Variants in VPS53 observed in about 807,000 individuals in gnomAD.
The protein encoded by VPS53 is VPS53 subunit of GARP complex.
VPS53 carries 70 observed loss-of-function variants against 107.0 expected under a neutral mutation model. That is an observed-to-expected ratio of 0.65 (90% CI 0.54 to 0.80). The LOEUF (loss-of-function observed/expected upper bound fraction) is 0.80. Among genes scored for constraint, VPS53 ranks in the 30% least tolerant of loss-of-function variants. VPS53 has a pLI of 0.00. For missense variants in VPS53, 917 were observed against 1,049.4 expected, an observed-to-expected ratio of 0.87 and a Z score of 1.74; for synonymous variants, 409 against 393.3, an observed-to-expected ratio of 1.04 and a Z score of -0.47.
At chr17:530,903 C>T (rs922650486) in intron 19 of VPS53, among the ~76,000 whole-genome samples, 1 of 152,194 alleles carries the variant, frequency 6.6e-6, no homozygotes, top group African/African-American at 2.4e-5. Context: ...TGTCTCCCAT[C>T]CCATTTTCAG....
At chr17:658,507 A>T (rs558625942) in intron 5 of VPS53, among the ~76,000 whole-genome samples, 6 of 150,966 alleles carry the variant, frequency 4.0e-5, no homozygotes, top group Non-Finnish European at 7.4e-5. Flanking sequence ...GAAGTGAGAA[A>T]CTCGGCAGGG....
rs767915279 is a variant in VPS53, at chr17:653,331, T to C, written c.568A>G (p.Lys190Glu). ...GVMNVLEHFH[K>E]YMGIPQIRQL... ...CGGATCTGCGGAATCCCCATATACT[T>C]GTGGAAGTGCTCCAGGACATTCATC... is the stretch of plus-strand genomic sequence containing the variant. Residue 190 changes from lysine (K) to glutamate (E), a missense_variant, in exon 7 of 22, where the codon AAG becomes GAG. Coordinates refer to ENST00000437048, the MANE Select transcript of VPS53 (RefSeq NM_001128159.3). 6.2e-7 allele frequency: 1 copy of C among 1,614,132 alleles called. No homozygotes were observed. Among genetic ancestry groups the C allele is most frequent in the Non-Finnish European group, 8.5e-7 (1 of 1,180,060 alleles).
In VPS53 at chr17:521,666, T is replaced by G. The variant is rs1380488478; in HGVS notation, c.2158A>C (p.Lys720Gln). The G allele has an allele frequency of 2.6e-6, 4 of 1,550,888 alleles. No individual in the cohort carries two copies. In the African/African-American group the frequency reaches 5.5e-5, roughly 21 times the overall value. ...LPSISSQVVR[K>Q]APASYTKIVV... ...ATCTTGGTGTAGCTGGCGGGTGCCT[T>G]CCTCACCACCTGCGAGCTGATGGAG... The change falls in exon 20 of 22, where the codon AAG becomes CAG. Residue 720 changes from lysine to glutamine, a missense_variant. Physicochemically the swap from Lys to Gln is moderately conservative, Grantham distance 53. Coordinates refer to ENST00000437048, the MANE Select transcript of VPS53 (RefSeq NM_001128159.3).
intron 13 of VPS53, among the ~76,000 whole-genome samples, chr17:570,383 A>G (rs1913933092): frequency 6.6e-6 from 1 of 151,482 alleles, no homozygotes; most frequent in South Asian, 2.1e-4. Context: ...AAAAAAAAAA[A>G]AAAAAAAAAA....
intron 4 of VPS53, chr17:675,253 A>C (rs1972105572): frequency 6.6e-6 from 1 of 152,220 alleles, no homozygotes; most frequent in South Asian, 2.1e-4. Context: ...AATGAAAAAA[A>C]AGTTTAAATT....
chr17:634,092 C>G (rs1004122411), intron 7 of VPS53, among the ~76,000 whole-genome samples: 1 of 152,216 alleles, frequency 6.6e-6, no homozygotes, highest in African/African-American at 2.4e-5. Flanking sequence ...CTCAGGACTA[C>G]TGGCCATCTC....
chr17:566,065 G>C (rs934681552), intron 13 of VPS53, among the ~76,000 whole-genome samples: 25 of 150,914 alleles, frequency 1.7e-4, no homozygotes, highest in African/African-American at 5.6e-4. Context: ...TTAGCCAGGC[G>C]TAGTGGCGGG....
In VPS53 at chr17:657,081, T is replaced by C; in HGVS notation, c.373-1128A>G. ...GTGTCGAACGTGATGAAATCGGTCATCTTGCCAGTCTCCAAATCAATCTGA... is the reference window on the plus strand; with the variant it reads ...GTGTCGAACGTGATGAAATCGGTCACCTTGCCAGTCTCCAAATCAATCTGA... On this transcript the variant is annotated intron_variant, in intron 5 of 21. Transcript: ENST00000437048. 13 of 990,536 alleles carry C rather than the reference T, an allele frequency of 1.3e-5. No homozygotes were observed. In the South Asian group the frequency reaches 1.7e-4, roughly 13 times the overall value. 61.4% of individuals were successfully genotyped at this position (990,536 alleles called of 1,614,324 possible).
intron 11 of VPS53, among the ~76,000 whole-genome samples, chr17:606,070 A>T (rs1273213485): frequency 6.6e-6 from 1 of 152,126 alleles, no homozygotes; most frequent in South Asian, 2.1e-4. Flanking sequence ...TGTTCCAGGA[A>T]AGGGCTGATG....
chr17:696,790 A>AG (rs2143908593), intron 4 of VPS53, among the ~76,000 whole-genome samples: 1 of 88,552 alleles, frequency 1.1e-5, no homozygotes, highest in South Asian at 3.7e-4. Context: ...GACTTATAAA[A>AG]CTTTTTTTTT....
intron 8 of VPS53, among the ~76,000 whole-genome samples, chr17:629,841 ACACACG>A (rs750197032): frequency 7.0e-6 from 1 of 142,256 alleles, no homozygotes; most frequent in Admixed American, 7.3e-5. Flanking sequence ...ACACACACAC[ACACACG>A]AAGTCACTAT....
chr17:536,915 C>T (rs1404727589), intron 18 of VPS53, 113 bp downstream of exon 18: 16 of 1,377,510 alleles, frequency 1.2e-5, no homozygotes, highest in South Asian at 4.2e-5. Context: ...GTCAGGTACA[C>T]GGGAAATCTC....
chr17:695,333 C>T (rs2143896070), intron 4 of VPS53, among the ~76,000 whole-genome samples: 1 of 152,240 alleles, frequency 6.6e-6, no homozygotes, highest in South Asian at 2.1e-4. Context: ...CGTCAAGAAA[C>T]TAGTATCTGA....
At chr17:622,695 AAAG>A (rs1969518115) in intron 11 of VPS53, among the ~76,000 whole-genome samples, 1 of 152,028 alleles carries the variant, frequency 6.6e-6, no homozygotes, top group Non-Finnish European at 1.5e-5. Flanking sequence ...CTGGGCCTCC[AAAG>A]AGAAGAGGTT....
At chr17:677,462 G>C (rs1386162562) in intron 4 of VPS53, among the ~76,000 whole-genome samples, 1 of 152,146 alleles carries the variant, frequency 6.6e-6, no homozygotes, top group Non-Finnish European at 1.5e-5. Flanking sequence ...AAGTGGGCAG[G>C]GGAAGGAAGG....
Position 655,058 on chromosome 17 carries a change from C to G in VPS53, c.488+780G>C, listed in dbSNP as rs976678463. On this transcript the variant is annotated intron_variant, in intron 6 of 21. Transcript: ENST00000437048. ...CCTCAAGGCACTCTCCCACTTCCCC[C>G]ACCCAGGACTTTGAATGCTGCATCT... Among the ~76,000 whole-genome samples, 7 of 152,304 alleles carry G rather than the reference C, an allele frequency of 4.6e-5. No individual in the cohort carries two copies. The South Asian group carries it at 1.2e-3, about 27-fold the overall frequency.
intron 2 of VPS53, among the ~76,000 whole-genome samples, chr17:709,872 C>G (rs746504885): frequency 6.6e-6 from 1 of 152,156 alleles, no homozygotes; most frequent in Admixed American, 6.5e-5. Flanking sequence ...TGAGGCCGGG[C>G]GCAGTGGCTC....
At chr17:608,340 G>A (rs1324177025) in intron 11 of VPS53, among the ~76,000 whole-genome samples, 1 of 152,068 alleles carries the variant, frequency 6.6e-6, no homozygotes, top group Admixed American at 6.6e-5. Context: ...AATATAAGTG[G>A]GTAAATGCTG....
intron 8 of VPS53, among the ~76,000 whole-genome samples, chr17:629,066 A>G (rs1414152678): frequency 6.6e-6 from 1 of 152,244 alleles, no homozygotes; most frequent in East Asian, 1.9e-4. Flanking sequence ...CTCACCTCAT[A>G]TGAAAAATAA....
Sources: allele counts gnomAD v4.1 joint callset (sites outside exome capture counted in the v4.1 genomes callset), GRCh38; gene constraint gnomAD v4.1.1; transcripts MANE v1.5; gene names NCBI Gene and HGNC (gene_info 2026-07-23, HGNC 2026-07-21).